SLC6A6: variants seen among roughly 807,000 people sequenced by gnomAD.
SLC6A6 encodes the protein solute carrier family 6 member 6.
SLC6A6 carries 16 observed loss-of-function variants against 68.8 expected under a neutral mutation model. The observed-to-expected ratio is 0.23, with a 90% CI of 0.16 to 0.35. The LOEUF (loss-of-function observed/expected upper bound fraction) is 0.35. Among genes scored for constraint, SLC6A6 ranks in the 10% least tolerant of loss-of-function variants. The probability of loss-of-function intolerance (pLI) is 1.00; values close to 1 mark genes in which losing one functional copy is unlikely to be tolerated. For missense variants in SLC6A6, 474 were observed against 802.8 expected (o/e 0.59, Z 4.95); for synonymous variants, 312 against 315.4 (o/e 0.99, Z 0.12).
intron 6 of SLC6A6, among the ~76,000 whole-genome samples, chr3:14,464,609 T>C (rs1183233357): frequency 6.6e-6 from 1 of 152,218 alleles, no homozygotes; most frequent in Non-Finnish European, 1.5e-5. Context: ...AAAGGGATCA[T>C]GGCCACAAGA....
intron 1 of SLC6A6, among the ~76,000 whole-genome samples, chr3:14,403,181 G>T (rs1441356068): frequency 6.6e-6 from 1 of 152,042 alleles, no homozygotes; most frequent in South Asian, 2.1e-4. Flanking sequence ...GTATCCCTGT[G>T]TCTGTGTTTC....
intron 6 of SLC6A6, among the ~76,000 whole-genome samples, chr3:14,463,335 G>T (rs140852817): frequency 6.6e-6 from 1 of 152,220 alleles, no homozygotes; most frequent in Non-Finnish European, 1.5e-5. Flanking sequence ...TAAAACTCAC[G>T]AAGCCCTTAG....
At chr3:14,409,887 C>T (rs1306674165) in intron 1 of SLC6A6, among the ~76,000 whole-genome samples, 1 of 152,080 alleles carries the variant, frequency 6.6e-6, no homozygotes, top group Non-Finnish European at 1.5e-5. Context: ...AAGATAAAGC[C>T]ATCAAAAGAG....
chr3:14,444,818 A>C, intron 3 of SLC6A6: 1 of 456,632 alleles, frequency 2.2e-6, no homozygotes, highest in South Asian at 1.5e-5. Context: ...CAAGTTGCCC[A>C]CAGTTTCAAA....
rs1320539137 is a variant in SLC6A6, at chr3:14,477,996, C to T, written c.1348-470C>T. On this transcript the variant is annotated intron_variant, in intron 11 of 14. Coordinates refer to ENST00000622186, the MANE Select transcript of SLC6A6 (RefSeq NM_003043.6). This position sits in a 1 kb window ranked among gnomAD's most constrained non-coding sequence, Gnocchi z 4.2. ...CCAGGGCACGCTCTCTCCTGCATGC[C>T]CCCCCCCACCACCTCCCCTGTTCCC... Among the ~76,000 whole-genome samples the T allele has an allele frequency of 8.0e-6, 1 of 124,636 alleles. No individual in the cohort carries two copies. The highest frequency in any genetic ancestry group is 2.6e-4 in the East Asian group (1 of 3,838). 81.8% of individuals were successfully genotyped at this position (124,636 alleles called of 152,430 possible).
intron 1 of SLC6A6, among the ~76,000 whole-genome samples, chr3:14,413,394 G>C (rs1339347338): frequency 2.6e-5 from 4 of 152,234 alleles, no homozygotes; most frequent in African/African-American, 9.6e-5. Flanking sequence ...CGTCTGCTTT[G>C]AGGACAGAGA....
Position 14,437,233 on chromosome 3 carries a change from C to G in SLC6A6, c.-11-6391C>G, listed in dbSNP as rs149963951. Among the ~76,000 whole-genome samples the G allele has an allele frequency of 1.4e-3, 209 of 152,226 alleles. 1 individual carries two copies. Among genetic ancestry groups the G allele is most frequent in the African/African-American group, 4.8e-3 (200 of 41,554 alleles). On this transcript the variant is annotated intron_variant, in intron 2 of 14. Coordinates refer to ENST00000622186, the MANE Select transcript of SLC6A6 (RefSeq NM_003043.6). ...GTATATGGTCAGTGCTTAATAAACA[C>G]AGCTATCTTTTTCTTAAAAGTAACT...
intron 9 of SLC6A6, among the ~76,000 whole-genome samples, chr3:14,469,162 A>G (rs943484888): frequency 6.6e-6 from 1 of 151,934 alleles, no homozygotes; most frequent in African/African-American, 2.4e-5. Context: ...GGCCCTGCAC[A>G]GTTTACTTGG....
At position 14,481,950 on chromosome 3, in the gene SLC6A6, T is replaced by C. The variant is rs969291811; in HGVS notation, c.1722+109T>C. ...CAAGTCACCTGCCCTCTCTGAGCCA[T>C]AGTTCCCTCACCCATCCAGTGGTTC... On this transcript the variant is annotated intron_variant, in intron 14 of 14. Transcript: ENST00000622186. This position sits in a 1 kb window ranked among gnomAD's most constrained non-coding sequence, Gnocchi z 4.7. The C allele has an allele frequency of 1.1e-6, 1 of 870,360 alleles. No individual in the cohort carries two copies. The highest frequency in any genetic ancestry group is 1.8e-6 in the Non-Finnish European group (1 of 554,756). The allele number at this position is 870,360 out of a possible 1,614,324, so 53.9% of individuals were successfully genotyped here.
chr3:14,466,155 G>A (rs1360504569), intron 6 of SLC6A6, among the ~76,000 whole-genome samples: 6 of 151,692 alleles, frequency 4.0e-5, no homozygotes, highest in African/African-American at 1.5e-4. Flanking sequence ...CCAGCTACTC[G>A]AGAGGCTGAG....
At position 14,487,961 on chromosome 3, in the gene SLC6A6, C is replaced by T. The variant is rs1701218233; in HGVS notation, c.*2954C>T. On this transcript the variant is annotated 3_prime_UTR_variant, in exon 15 of 15. Transcript: ENST00000622186. Reference sequence around the variant, plus strand: ...TGAGGGGAGCAGCAGCAGCCACACTCCCACCATCCTCACAGAATTCCTGGA... The same window carrying T: ...TGAGGGGAGCAGCAGCAGCCACACTTCCACCATCCTCACAGAATTCCTGGA... 6.5e-6 allele frequency: 1 copy of T among 152,688 alleles called. No individual in the cohort carries two copies. The highest frequency in any genetic ancestry group is 1.5e-5 in the Non-Finnish European group (1 of 68,098). 9.5% of individuals were successfully genotyped at this position (152,688 alleles called of 1,614,324 possible).
rs571362320 is a variant in SLC6A6 at position 14,468,493 on chromosome 3, C to G, written c.1096+281C>G. Among the ~76,000 whole-genome samples the G allele has an allele frequency of 9.9e-5, 15 of 152,212 alleles. No homozygotes were observed. Among genetic ancestry groups the G allele is most frequent in the Admixed American group, 5.9e-4 (9 of 15,298 alleles). ...ACCTTAGTGTGGTCTTCCCCGCCCC[C>G]CCGTCCTTCCCCAGCAAACTCCTGG... On this transcript the variant is annotated intron_variant, in intron 9 of 14. Transcript: ENST00000622186. The surrounding 1 kb of genome is among the most constrained non-coding windows in gnomAD (Gnocchi z 4.5).
At chr3:14,445,222 A>T (rs567257714) in intron 3 of SLC6A6, among the ~76,000 whole-genome samples, 2 of 151,938 alleles carry the variant, frequency 1.3e-5, no homozygotes, top group Non-Finnish European at 1.5e-5. Flanking sequence ...GGAGATTGAG[A>T]ACATCCTGAC....
chr3:14,447,559 C>T lies in SLC6A6; in HGVS notation c.365-23C>T, dbSNP rs1700155263. 3.1e-6 allele frequency: 5 copies of T among 1,613,340 alleles called. No homozygotes were observed. The African/African-American group carries it at 6.7e-5, about 22-fold the overall frequency. ...GTCTGGCCTCCCTCAGATGTTTACT[C>T]ATCTCATTTGCCCAACCTGCAGGTA... On this transcript the variant is annotated intron_variant, in intron 4 of 14. Coordinates refer to ENST00000622186, the MANE Select transcript of SLC6A6 (RefSeq NM_003043.6).
At chr3:14,484,141 G>A (rs1701079628) in intron 14 of SLC6A6, among the ~76,000 whole-genome samples, 1 of 152,202 alleles carries the variant, frequency 6.6e-6, no homozygotes, top group Non-Finnish European at 1.5e-5. Context: ...GGGAGTGGGA[G>A]TCTGGTTGAG....
At position 14,443,977 on chromosome 3, in the gene SLC6A6, C is replaced by G. The variant is rs745349245; in HGVS notation, c.229+114C>G. 36 of 703,936 alleles carry G rather than the reference C, an allele frequency of 5.1e-5. 1 individual carries two copies. The highest frequency in any genetic ancestry group is 2.3e-4 in the Admixed American group (10 of 43,356). The allele number at this position is 703,936 out of a possible 1,614,324, so 43.6% of individuals were successfully genotyped here. A position where few individuals can be genotyped will look rare whatever the true frequency, so the allele number is the denominator to read the frequency against. ...TTTCCCTGCTTTCCCTGGCCCCCCCCCTTGACCTCCATGAGGTCAGCCTGC... is the reference window on the plus strand; with the variant it reads ...TTTCCCTGCTTTCCCTGGCCCCCCCGCTTGACCTCCATGAGGTCAGCCTGC... On this transcript the variant is annotated intron_variant, in intron 3 of 14. Transcript: ENST00000622186.
rs1700674036 is a variant in SLC6A6, at chr3:14,468,436, T to C, written c.1096+224T>C. Among the ~76,000 whole-genome samples the C allele has an allele frequency of 6.7e-6, 1 of 149,338 alleles. No homozygotes were observed. Among genetic ancestry groups the C allele is most frequent in the Non-Finnish European group, 1.5e-5 (1 of 67,648 alleles). Reference sequence around the variant, plus strand: ...TTGGCCCTGATGGGTGGCAAAAGCATGGGGGGTGGTTAAGTTGGGGAATTT... The same window carrying C: ...TTGGCCCTGATGGGTGGCAAAAGCACGGGGGGTGGTTAAGTTGGGGAATTT... On this transcript the variant is annotated intron_variant, in intron 9 of 14. Coordinates refer to ENST00000622186, the MANE Select transcript of SLC6A6 (RefSeq NM_003043.6). The surrounding 1 kb of genome is among the most constrained non-coding windows in gnomAD (Gnocchi z 4.5).
chr3:14,437,953 G>C (rs1699895978), intron 2 of SLC6A6, among the ~76,000 whole-genome samples: 2 of 150,630 alleles, frequency 1.3e-5, no homozygotes, highest in South Asian at 2.1e-4. Flanking sequence ...GTAGCTTCTT[G>C]AGTAGCTGGG....
intron 5 of SLC6A6, among the ~76,000 whole-genome samples, chr3:14,457,196 C>T (rs1277044083): frequency 6.6e-6 from 1 of 152,228 alleles, no homozygotes; most frequent in South Asian, 2.1e-4. Flanking sequence ...TCTGCCGTGT[C>T]ATCCTGGGCA....
Sources: allele counts gnomAD v4.1 joint callset (sites outside exome capture counted in the v4.1 genomes callset), GRCh38; gene constraint gnomAD v4.1.1; non-coding constraint Gnocchi (gnomAD v3.1); transcripts MANE v1.5; gene names NCBI Gene and HGNC (gene_info 2026-07-23, HGNC 2026-07-21).